MED26: variants seen among roughly 807,000 people sequenced by gnomAD.
MED26 encodes mediator of RNA polymerase II transcription subunit 26.
Under a neutral mutation model 43.7 loss-of-function variants are expected in MED26, and 7 were observed. That is an observed-to-expected ratio of 0.16 (90% CI 0.09 to 0.30). MED26 has a LOEUF of 0.30. Ranked by LOEUF, MED26 falls within the 10% of genes least tolerant of loss-of-function variation. MED26 has a pLI of 1.00. For missense variants in MED26, 784 were observed against 840.6 expected, an observed-to-expected ratio of 0.93 and a Z score of 0.83; for synonymous variants, 375 against 371.1, an observed-to-expected ratio of 1.01 and a Z score of -0.12.
At chr19:16,592,811 T>C (rs1444778280) in intron 1 of MED26, among the ~76,000 whole-genome samples, 2 of 152,252 alleles carry the variant, frequency 1.3e-5, no homozygotes, top group African/African-American at 2.4e-5. Flanking sequence ...GGACATTTTC[T>C]AAGGGCAGAT....
chr19:16,626,645 C>G (rs1431510532), intron 1 of MED26, among the ~76,000 whole-genome samples: 1 of 152,120 alleles, frequency 6.6e-6, no homozygotes, highest in Non-Finnish European at 1.5e-5. Flanking sequence ...AAGCATATTG[C>G]TAAGAGTAAT....
In MED26 at chr19:16,586,443, T is replaced by C. The variant is rs2122394006; in HGVS notation, c.73-8034A>G. Among the ~76,000 whole-genome samples the C allele has an allele frequency of 6.6e-6, 1 of 152,324 alleles. No homozygotes were observed. On this transcript the variant is annotated intron_variant, in intron 1 of 2. Transcript: ENST00000263390. This position sits in a 1 kb window ranked among gnomAD's most constrained non-coding sequence, Gnocchi z 5.1. Reference sequence around the variant, plus strand: ...GGTACCAGGTGCCACCAGCCTGTGGTGATGTCGGCACTCTGTAAAGACTCT... The same window carrying C: ...GGTACCAGGTGCCACCAGCCTGTGGCGATGTCGGCACTCTGTAAAGACTCT...
chr19:16,615,298 G>A (rs2086219243), intron 1 of MED26, among the ~76,000 whole-genome samples: 3 of 152,194 alleles, frequency 2.0e-5, no homozygotes, highest in Admixed American at 2.0e-4. Flanking sequence ...CATGGCTGGA[G>A]CAGGAGAGGA....
chr19:16,613,621 G>C (rs2086209659), intron 1 of MED26, among the ~76,000 whole-genome samples: 1 of 152,248 alleles, frequency 6.6e-6, no homozygotes, highest in Admixed American at 6.5e-5. Context: ...CAAAGGCTCT[G>C]AGGGCAGAAG....
At chr19:16,621,469 T>G (rs1415739438) in intron 1 of MED26, among the ~76,000 whole-genome samples, 1 of 152,180 alleles carries the variant, frequency 6.6e-6, no homozygotes, top group Non-Finnish European at 1.5e-5. Context: ...CCTGACGTTT[T>G]CCAAGATTCA....
At chr19:16,588,669 G>C (rs1482701441) in intron 1 of MED26, 2 of 152,442 alleles carry the variant, frequency 1.3e-5, no homozygotes, top group East Asian at 3.8e-4. Flanking sequence ...CAGGGGCCAG[G>C]CCACGAGGAC....
At position 16,575,888 on chromosome 19, in the gene MED26, C is replaced by A; in HGVS notation, c.*139G>T. ...GAGCGCAGAGAGACCGCGTGACTCCCGCCCCCTCCCTCCCGCCTGGGCCGG... is the reference window on the plus strand; with the variant it reads ...GAGCGCAGAGAGACCGCGTGACTCCAGCCCCCTCCCTCCCGCCTGGGCCGG... On this transcript the variant is annotated 3_prime_UTR_variant, in exon 3 of 3. Coordinates refer to ENST00000263390, the MANE Select transcript of MED26 (RefSeq NM_004831.5). 1 of 686,446 alleles carries A rather than the reference C, an allele frequency of 1.5e-6. No individual in the cohort carries two copies. The highest frequency in any genetic ancestry group is 1.9e-5 in the South Asian group (1 of 53,668). The allele number at this position is 686,446 out of a possible 1,614,324, so 42.5% of individuals were successfully genotyped here.
Position 16,586,062 on chromosome 19 carries a change from G to A in MED26, c.73-7653C>T, listed in dbSNP as rs1157657927. On this transcript the variant is annotated intron_variant, in intron 1 of 2. Transcript: ENST00000263390. This position sits in a 1 kb window ranked among gnomAD's most constrained non-coding sequence, Gnocchi z 5.1. ...TCTCCATTTTCTCCACATCTGAACT[G>A]TTCCCACCCCGCCTGAGATCCCCAG... Among the ~76,000 whole-genome samples, 3 of 152,244 alleles carry A rather than the reference G, an allele frequency of 2.0e-5. No individual in the cohort carries two copies. Among genetic ancestry groups the A allele is most frequent in the Non-Finnish European group, 4.4e-5 (3 of 68,046 alleles).
chr19:16,624,910 C>A (rs2086267438), intron 1 of MED26, among the ~76,000 whole-genome samples: 1 of 152,198 alleles, frequency 6.6e-6, no homozygotes, highest in South Asian at 2.1e-4. Flanking sequence ...CCCCAAGAAG[C>A]TTGCGTGCTG....
intron 1 of MED26, among the ~76,000 whole-genome samples, chr19:16,616,995 T>C (rs1242376456): frequency 6.6e-6 from 1 of 152,016 alleles, no homozygotes; most frequent in Admixed American, 6.6e-5. Flanking sequence ...CAGCTCATCT[T>C]CCTAAACAGA....
At chr19:16,581,976 A>G (rs1195429247) in intron 1 of MED26, among the ~76,000 whole-genome samples, 1 of 152,274 alleles carries the variant, frequency 6.6e-6, no homozygotes, top group Admixed American at 6.5e-5. Context: ...CCTACGCCGT[A>G]AACAGATGAA....
intron 1 of MED26, among the ~76,000 whole-genome samples, chr19:16,605,721 G>A (rs2086169575): frequency 6.6e-6 from 1 of 152,198 alleles, no homozygotes; most frequent in Non-Finnish European, 1.5e-5. Flanking sequence ...GAAGGCATAG[G>A]GGAACAAGGA....
chr19:16,618,905 A>G (rs1435168220), intron 1 of MED26, among the ~76,000 whole-genome samples: 4 of 152,282 alleles, frequency 2.6e-5, no homozygotes, highest in Non-Finnish European at 1.5e-5. Flanking sequence ...GAAAATCCTG[A>G]AACTGCTGGG....
chr19:16,615,200 CTGAGACCAGAGAGG>C (rs1265527015), intron 1 of MED26, among the ~76,000 whole-genome samples: 1 of 152,080 alleles, frequency 6.6e-6, no homozygotes, highest in Non-Finnish European at 1.5e-5. Context: ...GCTCTGGACC[CTGAGACCAGAGAGG>C]CAAGGAGGGA....
At position 16,586,617 on chromosome 19, in the gene MED26, C is replaced by T. The variant is rs1159717538; in HGVS notation, c.73-8208G>A. Among the ~76,000 whole-genome samples the T allele has an allele frequency of 6.6e-6, 1 of 152,260 alleles. No individual in the cohort carries two copies. The highest frequency in any genetic ancestry group is 1.5e-5 in the Non-Finnish European group (1 of 68,046). ...GGGTGACCCAGGCATGCACGGGCCA[C>T]CACAGCAGGGCTTCAGATGGCACTG... On this transcript the variant is annotated intron_variant, in intron 1 of 2. Transcript: ENST00000263390. This position sits in a 1 kb window ranked among gnomAD's most constrained non-coding sequence, Gnocchi z 5.1.
chr19:16,583,548 C>T (rs984781630), intron 1 of MED26, among the ~76,000 whole-genome samples: 12 of 152,112 alleles, frequency 7.9e-5, no homozygotes, highest in Admixed American at 3.9e-4. Context: ...CATGCAGCTA[C>T]TAGGAGAAGC....
chr19:16,587,267 G>A lies in MED26; in HGVS notation c.73-8858C>T, dbSNP rs898197919. On this transcript the variant is annotated intron_variant, in intron 1 of 2. Coordinates refer to ENST00000263390, the MANE Select transcript of MED26 (RefSeq NM_004831.5). The surrounding 1 kb of genome is among the most constrained non-coding windows in gnomAD (Gnocchi z 4.9). Reference sequence around the variant, plus strand: ...TCCGCACGTGTTCCCAGGCAGCTGGGAGCCAAACTGCCTCTGGTGCAAGTC... The same window carrying A: ...TCCGCACGTGTTCCCAGGCAGCTGGAAGCCAAACTGCCTCTGGTGCAAGTC... The A allele has an allele frequency of 1.3e-5, 2 of 152,144 alleles. No homozygotes were observed. The highest frequency in any genetic ancestry group is 1.3e-4 in the Admixed American group (2 of 15,272). The allele number at this position is 152,144 out of a possible 1,614,324, so 9.4% of individuals were successfully genotyped here.
intron 1 of MED26, among the ~76,000 whole-genome samples, chr19:16,590,210 G>A (rs1340119224): frequency 2.0e-5 from 3 of 152,346 alleles, no homozygotes; most frequent in African/African-American, 7.2e-5. Flanking sequence ...GGGCACTGGG[G>A]TCTTGCCACA....
chr19:16,627,807 A>C, intron 1 of MED26, 65 bp downstream of exon 1: 4 of 1,214,524 alleles, frequency 3.3e-6, no homozygotes, highest in South Asian at 1.7e-5. Context: ...GGCGAGGGGT[A>C]CAGGAGAGGG....
Sources: allele counts gnomAD v4.1 joint callset (sites outside exome capture counted in the v4.1 genomes callset), GRCh38; gene constraint gnomAD v4.1.1; non-coding constraint Gnocchi (gnomAD v3.1); transcripts MANE v1.5; gene names NCBI Gene and HGNC (gene_info 2026-07-23, HGNC 2026-07-21).